ENDOV: variants seen among roughly 807,000 people sequenced by gnomAD.
The protein encoded by ENDOV is endonuclease V, also known as hEndoV.
ENDOV carries 37 observed loss-of-function variants against 39.4 expected under a neutral mutation model. The ratio of observed to expected loss-of-function variants is 0.94; its 90% CI spans 0.72 to 1.23. ENDOV has a LOEUF of 1.23. ENDOV is among the 50% of genes most tolerant of loss of function. The pLI is 0.00. For missense variants in ENDOV, 441 were observed against 375.7 expected, an observed-to-expected ratio of 1.17 and a Z score of -1.44; for synonymous variants, 186 against 163.4, an observed-to-expected ratio of 1.14 and a Z score of -1.05.
intron 9 of ENDOV, chr17:80,430,088 G>A (rs914187017): frequency 1.3e-6 from 2 of 1,535,518 alleles, no homozygotes; most frequent in Non-Finnish European, 1.7e-6. Context: ...CACCCCAGGG[G>A]GACGCCGCAG....
intron 2 of ENDOV, chr17:80,418,604 T>G (rs2081515902): frequency 1.3e-5 from 2 of 152,232 alleles, no homozygotes; most frequent in Non-Finnish European, 2.9e-5. Context: ...ACCGTGGACC[T>G]GCAGGAGCAG....
intron 2 of ENDOV, chr17:80,419,945 A>G (rs1281253674): frequency 2.4e-6 from 1 of 416,136 alleles, no homozygotes; most frequent in Non-Finnish European, 4.4e-6. Context: ...CCCTACGCTA[A>G]TCATACAGTG....
chr17:80,426,283 A>G (rs1035032816), intron 7 of ENDOV, among the ~76,000 whole-genome samples: 4 of 152,140 alleles, frequency 2.6e-5, no homozygotes, highest in African/African-American at 9.7e-5. Flanking sequence ...GGTTCAAGAA[A>G]AGTCAGTCTT....
intron 2 of ENDOV, among the ~76,000 whole-genome samples, chr17:80,419,121 C>T (rs373252577): frequency 1.0e-4 from 15 of 147,056 alleles, no homozygotes; most frequent in African/African-American, 3.6e-4. Flanking sequence ...TGCAGTGAGC[C>T]GAGATCGCGT....
intron 7 of ENDOV, among the ~76,000 whole-genome samples, chr17:80,426,236 C>A (rs556805656): frequency 6.6e-6 from 1 of 152,172 alleles, no homozygotes; most frequent in Non-Finnish European, 1.5e-5. Flanking sequence ...CCACAAGACA[C>A]GGGTGGATGC....
chr17:80,427,890 C>T lies in ENDOV; in HGVS notation c.715-706C>T, dbSNP rs1268649898. The T allele has an allele frequency of 4.9e-6, 6 of 1,228,368 alleles. No homozygotes were observed. In the Admixed American group the frequency reaches 1.1e-4, roughly 23 times the overall value. The allele number at this position is 1,228,368 out of a possible 1,614,324, so 76.1% of individuals were successfully genotyped here. On this transcript the variant is annotated intron_variant, in intron 7 of 9. Transcript: ENST00000518137. ...CCCCGCCTACCGCTGCCCCACTTCC[C>T]CCATGAATGGAAGCAGGAGCAGGCT...
intron 7 of ENDOV, chr17:80,427,375 G>A (rs145204882): frequency 8.2e-6 from 8 of 970,244 alleles, no homozygotes; most frequent in East Asian, 1.1e-4. Flanking sequence ...GCCTCAGCGC[G>A]CCCCAGAGTA....
chr17:80,419,760 C>T lies in ENDOV; in HGVS notation c.229-2068C>T, dbSNP rs955895499. On this transcript the variant is annotated intron_variant, in intron 2 of 9. Coordinates refer to ENST00000518137, the MANE Select transcript of ENDOV (RefSeq NM_173627.5). ...GGTCATGCCCTCCGTTCACACAATC[C>T]ATCTTTCCGTCTGCACTCAGAATCA... 1.3e-5 allele frequency: 9 copies of T among 682,424 alleles called. No individual in the cohort carries two copies. In the Middle Eastern group the frequency reaches 1.4e-3, roughly 106 times the overall value. The allele number at this position is 682,424 out of a possible 1,614,324, so 42.3% of individuals were successfully genotyped here.
chr17:80,424,931 G>A, intron 5 of ENDOV, 101 bp from the exon 6 acceptor site: 2 of 979,776 alleles, frequency 2.0e-6, no homozygotes, highest in Non-Finnish European at 3.1e-6. Flanking sequence ...CTTCAGCCTG[G>A]GCAACAGTGC....
chr17:80,415,970 G>T, intron 2 of ENDOV, 149 bp downstream of exon 2: 1 of 960,796 alleles, frequency 1.0e-6, no homozygotes, highest in East Asian at 3.1e-5. Flanking sequence ...GGGCGCGGTG[G>T]CTCACGCCTG....
At position 80,423,584 on chromosome 17, in the gene ENDOV, A is replaced by C. The variant is rs1181248764; in HGVS notation, c.468A>C (p.Lys156Asn). The C allele has an allele frequency of 4.5e-6, 7 of 1,557,402 alleles. No homozygotes were observed. The highest frequency in any genetic ancestry group is 6.1e-6 in the Non-Finnish European group (7 of 1,150,972). Residue 156 changes from lysine (K) to asparagine (N), a missense_variant, in exon 5 of 10, where the codon AAA becomes AAC. Transcript: ENST00000518137. ...TDLPCVGVAK[K>N]LLQVDGLENN... The stretch of plus-strand genomic sequence containing the variant: ...TGCCGTGTGTTGGGGTGGCCAAGAA[A>C]CTTCTGCAGGTGGATGGGCTGGAGA...
At chr17:80,435,838 G>A (rs1031423970) in intron 9 of ENDOV, among the ~76,000 whole-genome samples, 16 of 150,482 alleles carry the variant, frequency 1.1e-4, no homozygotes, top group African/African-American at 2.7e-4. Context: ...GGATGGTCTC[G>A]ATCTCCTGAC....
intron 4 of ENDOV, among the ~76,000 whole-genome samples, chr17:80,422,884 G>C (rs1568224893): frequency 6.6e-6 from 1 of 152,114 alleles, no homozygotes; most frequent in Non-Finnish European, 1.5e-5. Context: ...GTATTTTTAG[G>C]AGAGACGGGG....
intron 5 of ENDOV, chr17:80,424,245 C>T (rs1568230067): frequency 2.5e-6 from 1 of 399,106 alleles, no homozygotes; most frequent in Non-Finnish European, 4.4e-6. Flanking sequence ...TCTCAGGTGC[C>T]TGCATGGAGA....
At chr17:80,427,846 G>A (rs1224009807) in intron 7 of ENDOV, 1 of 1,280,402 alleles carries the variant, frequency 7.8e-7, no homozygotes, top group African/African-American at 1.5e-5. Flanking sequence ...CCGCTCCAGG[G>A]GAAGGTGAGA....
At chr17:80,428,720 G>T (rs953180812) in intron 8 of ENDOV, 60 bp downstream of exon 8, 1 of 1,490,836 alleles carries the variant, frequency 6.7e-7, no homozygotes, top group African/African-American at 1.4e-5. Context: ...TGCATGGGCT[G>T]TTTCCGGTGG....
At chr17:80,427,020 G>C (rs1408730990) in intron 7 of ENDOV, among the ~76,000 whole-genome samples, 1 of 152,240 alleles carries the variant, frequency 6.6e-6, no homozygotes, top group Admixed American at 6.5e-5. Flanking sequence ...CCTTCGGGCC[G>C]GGGCCTTCCG....
chr17:80,434,927 CAAT>C (rs2083515397), intron 9 of ENDOV, among the ~76,000 whole-genome samples: 1 of 152,194 alleles, frequency 6.6e-6, no homozygotes, highest in South Asian at 2.1e-4. Flanking sequence ...GCCTGGGTGA[CAAT>C]GAGACCCTGC....
At chr17:80,427,508 C>T in intron 7 of ENDOV, 1 of 985,476 alleles carries the variant, frequency 1.0e-6, no homozygotes, top group Non-Finnish European at 1.2e-6. Context: ...TGGGCCCACC[C>T]TCCAGAGGAA....
Sources: allele counts gnomAD v4.1 joint callset (sites outside exome capture counted in the v4.1 genomes callset), GRCh38; gene constraint gnomAD v4.1.1; transcripts MANE v1.5; gene names NCBI Gene and HGNC (gene_info 2026-07-23, HGNC 2026-07-21).